The following NADK variants were observed in gnomAD, a reference collection of about 807,000 sequenced individuals.
NADK encodes the protein poly(P)/ATP NAD kinase.
In NADK, 22 loss-of-function variants were observed where a neutral mutation model predicts 49.8. That is an observed-to-expected ratio of 0.44 (90% CI 0.32 to 0.63). NADK has a LOEUF of 0.63. Ranked by LOEUF, NADK falls within the 30% of genes least tolerant of loss-of-function variation. NADK has a pLI of 0.06. For missense variants in NADK, 438 were observed against 609.4 expected (o/e 0.72, Z 2.96); for synonymous variants, 268 against 253.7 (o/e 1.06, Z -0.54).
At chr1:1,761,792 AC>A (rs1343552206) in intron 3 of NADK, 159 bp downstream of exon 3, 2 of 640,840 alleles carry the variant, frequency 3.1e-6, no homozygotes, top group Non-Finnish European at 5.5e-6. Context: ...CTAAACATGT[AC>A]TTCTCACATG....
Position 1,766,953 on chromosome 1 carries a change from C to T in NADK, c.-40-1507G>A, listed in dbSNP as rs183004474. ...TTTTTGAGACAGAGTCTCACTCTGT[C>T]GCCCACGCTGGAGTGCAGTGGTGTG... On this transcript the variant is annotated intron_variant, in intron 1 of 11. Transcript: ENST00000341426. Among the ~76,000 whole-genome samples the T allele has an allele frequency of 2.3e-3, 352 of 151,572 alleles. 1 individual carries two copies. The highest frequency in any genetic ancestry group is 7.6e-3 in the African/African-American group (312 of 41,312).
intron 1 of NADK, among the ~76,000 whole-genome samples, chr1:1,777,055 A>C (rs1219217009): frequency 6.6e-6 from 1 of 152,190 alleles, no homozygotes; most frequent in Non-Finnish European, 1.5e-5. Flanking sequence ...ACACGCCTGG[A>C]GGACAGAGTG....
rs777322804 is a variant in NADK at position 1,757,324 on chromosome 1, G to A, written c.264-14C>T. 2.7e-5 allele frequency: 43 copies of A among 1,607,866 alleles called. 1 individual carries two copies. In the South Asian group the frequency reaches 4.5e-4, roughly 17 times the overall value. On this transcript the variant is annotated splice_polypyrimidine_tract_variant and intron_variant, in intron 3 of 11. Transcript: ENST00000341426. The stretch of plus-strand genomic sequence containing the variant: ...TCCTGAATGTGCCTTTAGGGGAGGA[G>A]AAAAGAGTTCACACCAGCTGCGATC...
At position 1,776,772 on chromosome 1, in the gene NADK, TAAAAAA is replaced by T. The variant is rs33953907; in HGVS notation, c.-41+1511_-41+1516del. On this transcript the variant is annotated intron_variant, in intron 1 of 11. Transcript: ENST00000341426. ...TGGGCAACAGAGCTAGACTCTGTCT[TAAAAAA>T]AAAAAAAAAAAAAAAAGACTGGTCA... 1.1e-4 allele frequency among the ~76,000 whole-genome samples: 13 copies of T among 117,084 alleles called. No individual in the cohort carries two copies. The East Asian group carries it at 3.1e-3, about 28-fold the overall frequency. 76.8% of individuals were successfully genotyped at this position (117,084 alleles called of 152,430 possible). A position where few individuals can be genotyped will look rare whatever the true frequency, so the allele number is the denominator to read the frequency against.
intron 3 of NADK, among the ~76,000 whole-genome samples, chr1:1,761,261 G>A (rs993969241): frequency 1.4e-4 from 22 of 152,172 alleles, no homozygotes; most frequent in African/African-American, 5.1e-4. Context: ...AAAGTGCTGG[G>A]ATTACAGGTG....
At chr1:1,775,120 A>C (rs2100388850) in intron 1 of NADK, among the ~76,000 whole-genome samples, 1 of 152,308 alleles carries the variant, frequency 6.6e-6, no homozygotes, top group Non-Finnish European at 1.5e-5. Flanking sequence ...AAGAAAAAAA[A>C]AAAATCCTCT....
rs776639098 is a variant in NADK at position 1,765,436 on chromosome 1, A to G, written c.-30T>C. On this transcript the variant is annotated 5_prime_UTR_variant, in exon 2 of 12. Coordinates refer to ENST00000341426, the MANE Select transcript of NADK (RefSeq NM_023018.5). Reference sequence around the variant, plus strand: ...AGGAAATGAGAACTTCGGTCAGAAAAACACTGATGCCTTAATTTAATAAAA... The same window carrying G: ...AGGAAATGAGAACTTCGGTCAGAAAGACACTGATGCCTTAATTTAATAAAA... 13 of 1,458,980 alleles carry G rather than the reference A, an allele frequency of 8.9e-6. No homozygotes were observed. The South Asian group carries it at 1.7e-4, about 19-fold the overall frequency. The allele number at this position is 1,458,980 out of a possible 1,614,324, so 90.4% of individuals were successfully genotyped here.
chr1:1,762,915 G>C (rs1011428294), intron 2 of NADK, among the ~76,000 whole-genome samples: 5 of 152,242 alleles, frequency 3.3e-5, no homozygotes, highest in Non-Finnish European at 7.3e-5. Context: ...AATGCTGTCA[G>C]GACCGCTGTG....
At chr1:1,773,484 C>G (rs1335064060) in intron 1 of NADK, among the ~76,000 whole-genome samples, 3 of 150,698 alleles carry the variant, frequency 2.0e-5, no homozygotes, top group Admixed American at 6.6e-5. Flanking sequence ...GACACAGTGG[C>G]TCACACTTGT....
chr1:1,756,456 G>A (rs559827531), intron 5 of NADK, 47 bp downstream of exon 5: 73 of 1,612,492 alleles, frequency 4.5e-5, no homozygotes, highest in South Asian at 3.4e-4. Context: ...CCAATGGGGC[G>A]GGGAACTGTG....
chr1:1,761,019 G>T (rs759089507), intron 3 of NADK, among the ~76,000 whole-genome samples: 69 of 152,196 alleles, frequency 4.5e-4, no homozygotes, highest in Non-Finnish European at 9.0e-4. Flanking sequence ...CTGAGTCTGA[G>T]TCTTGCTCTG....
chr1:1,752,686 C>T lies in NADK; in HGVS notation c.*218G>A. 1 of 563,572 alleles carries T rather than the reference C, an allele frequency of 1.8e-6. No individual in the cohort carries two copies. Among genetic ancestry groups the T allele is most frequent in the Non-Finnish European group, 3.0e-6 (1 of 330,016 alleles). The allele number at this position is 563,572 out of a possible 1,614,324, so 34.9% of individuals were successfully genotyped here. ...GGTGTCAGCAGGACAGAAGCACTCC[C>T]AGCCCATTTCTCACGCTTCTTTAGA... is the stretch of plus-strand genomic sequence containing the variant. On this transcript the variant is annotated 3_prime_UTR_variant, in exon 12 of 12. Transcript: ENST00000341426.
chr1:1,768,072 G>A (rs1451645243), intron 1 of NADK, among the ~76,000 whole-genome samples: 4 of 151,804 alleles, frequency 2.6e-5, no homozygotes, highest in African/African-American at 9.7e-5. Flanking sequence ...TTGGGACGCT[G>A]AGGCAGGAGA....
rs1477120576 is a variant in NADK, at chr1:1,765,358, C to G, written c.49G>C (p.Asp17His). 3.7e-6 allele frequency: 6 copies of G among 1,612,546 alleles called. No individual in the cohort carries two copies. Among genetic ancestry groups the G allele is most frequent in the Non-Finnish European group, 5.1e-6 (6 of 1,179,210 alleles). Residue 17 changes from aspartate (D) to histidine (H), a missense_variant, in exon 2 of 12, where the codon GAC becomes CAC. Asp to His is a moderately conservative substitution (Grantham distance 81, BLOSUM62 -1). Transcript: ENST00000341426. Reference protein sequence around the residue: ...KMTMNKELSPDAAAYCCSACH... With the variant: ...KMTMNKELSPHAAAYCCSACH... ...GCCGAGCAGCAGTAAGCAGCCGCGT[C>G]TGGACTCAATTCCTTATTCATGGTC...
At chr1:1,757,395 ATCTTT>A in intron 3 of NADK, 85 bp from the exon 4 acceptor site, 6 of 1,271,510 alleles carry the variant, frequency 4.7e-6, no homozygotes, top group Non-Finnish European at 6.6e-6. Context: ...AAAAAAAAAA[ATCTTT>A]AAAAAGGTGT....
Position 1,752,992 on chromosome 1 carries a change from A to C in NADK, c.1253T>G (p.Phe418Cys). Residue 418 changes from phenylalanine (F) to cysteine (C), a missense_variant, in exon 12 of 12, where the codon TTT (phenylalanine) becomes TGT (cysteine). By Grantham distance (205) the Phe-to-Cys change is radical. Transcript: ENST00000341426. Reference sequence around the variant, plus strand: ...ATGCAGGCACTGGGCGAGGCTCTCAAACCAGTCGCTCACGGGGTCCCGCAC... The same window carrying C: ...ATGCAGGCACTGGGCGAGGCTCTCACACCAGTCGCTCACGGGGTCCCGCAC... ...ICVRDPVSDWFESLAQCLHWN... is the reference protein window; with the variant it reads ...ICVRDPVSDWCESLAQCLHWN... 1.2e-6 allele frequency: 2 copies of C among 1,606,354 alleles called. No individual in the cohort carries two copies. Among genetic ancestry groups the C allele is most frequent in the Non-Finnish European group, 1.7e-6 (2 of 1,176,872 alleles).
At position 1,751,312 on chromosome 1, in the gene NADK, AAATT is replaced by A. The variant is rs1250347882; in HGVS notation, c.*1588_*1591del. The A allele has an allele frequency of 8.4e-5, 7 of 82,966 alleles. 1 individual carries two copies. The Admixed American group carries it at 9.1e-4, about 11-fold the overall frequency. 5.1% of individuals were successfully genotyped at this position (82,966 alleles called of 1,614,324 possible). ...CAATGACATTTAATACATTTTCAAG[AAATT>A]AATATGAAACATTAAAATTTACTTC... On this transcript the variant is annotated 3_prime_UTR_variant, in exon 12 of 12. Transcript: ENST00000341426.
intron 3 of NADK, chr1:1,758,316 C>A (rs557233270): frequency 6.4e-7 from 1 of 1,560,058 alleles, no homozygotes; most frequent in South Asian, 1.2e-5. Flanking sequence ...CACAGGGCCA[C>A]AGACCTTAGC....
chr1:1,756,215 T>A, intron 6 of NADK, 43 bp downstream of exon 6: 1 of 1,556,828 alleles, frequency 6.4e-7, no homozygotes. Flanking sequence ...ACGCAGCACC[T>A]AGACTAGAAC....
Sources: gnomAD v4.1 joint callset for allele counts (sites outside exome capture counted in the v4.1 genomes callset) on GRCh38, gnomAD v4.1.1 for gene constraint, MANE v1.5 for transcripts, NCBI Gene and HGNC (gene_info 2026-07-23, HGNC 2026-07-21) for gene names.